Variants in NCOA3 observed in about 807,000 individuals in gnomAD.
The protein encoded by NCOA3 is nuclear receptor coactivator 3, also known as CBP-interacting protein.
Under a neutral mutation model 158.8 loss-of-function variants are expected in NCOA3, and 51 were observed. That is an observed-to-expected ratio of 0.32 (90% CI 0.26 to 0.41). The LOEUF is 0.41. NCOA3 is among the 10% of genes least tolerant of loss of function. The pLI, the probability that NCOA3 is intolerant of heterozygous loss-of-function variation, is 1.00. For synonymous variants in NCOA3, 537 were observed against 592.4 expected, an observed-to-expected ratio of 0.91 and a Z score of 1.36; for missense variants, 1,510 against 1,746.6, an observed-to-expected ratio of 0.86 and a Z score of 2.41.
intron 1 of NCOA3, among the ~76,000 whole-genome samples, chr20:47,522,099 C>CTTTTTTTTTTTTTTTTTTTTTTTTTTTT (rs772811888): frequency 1.2e-4 from 9 of 76,816 alleles, no homozygotes; most frequent in Non-Finnish European, 1.5e-4. Flanking sequence ...TTGTACAGAT[C>CTTTTTTTTTTTTTTTTTTTTTTTTTTTT]TTTTTTTTTT....
intron 17 of NCOA3, among the ~76,000 whole-genome samples, chr20:47,646,718 C>T (rs1247266067): frequency 6.6e-6 from 1 of 152,110 alleles, no homozygotes; most frequent in Non-Finnish European, 1.5e-5. Context: ...TTGCGAAGTA[C>T]AGTGGGGTGA....
chr20:47,528,926 C>G (rs2084501152), intron 1 of NCOA3, among the ~76,000 whole-genome samples: 1 of 151,774 alleles, frequency 6.6e-6, no homozygotes. Context: ...GCCACCACGT[C>G]CAGCTAATTT....
intron 4 of NCOA3, 61 bp from the exon 5 acceptor site, chr20:47,625,319 GA>G: frequency 8.9e-7 from 1 of 1,128,474 alleles, no homozygotes; most frequent in South Asian, 1.2e-5. Flanking sequence ...GGGACTATTC[GA>G]AGGTGATTTA....
intron 1 of NCOA3, among the ~76,000 whole-genome samples, chr20:47,568,786 A>T (rs995750805): frequency 5.3e-5 from 8 of 150,614 alleles, no homozygotes; most frequent in Admixed American, 2.0e-4. Flanking sequence ...ACAGAGCCAG[A>T]CTCTGTCTCA....
At chr20:47,570,996 G>GTGTGTGTGTGTGTGTA (rs1436592761) in intron 1 of NCOA3, among the ~76,000 whole-genome samples, 1 of 142,592 alleles carries the variant, frequency 7.0e-6, no homozygotes, top group African/African-American at 2.7e-5. Context: ...GTGTGTGTGT[G>GTGTGTGTGTGTGTGTA]TGTGTGTATA....
chr20:47,642,153 ATCTATTACTCT>A, intron 16 of NCOA3, 49 bp from the exon 17 acceptor site: 1 of 1,220,698 alleles, frequency 8.2e-7, no homozygotes, highest in Non-Finnish European at 1.1e-6. Context: ...GGTTGCTGTG[ATCTATTACTCT>A]TAGAAAAAAA....
intron 1 of NCOA3, among the ~76,000 whole-genome samples, chr20:47,514,743 G>A (rs1446245876): frequency 1.5e-5 from 2 of 131,408 alleles, no homozygotes; most frequent in African/African-American, 5.9e-5. Flanking sequence ...TTGAGACAGA[G>A]TCTTGCTCTG....
chr20:47,587,833 C>T (rs76911023), intron 2 of NCOA3, among the ~76,000 whole-genome samples: 1,988 of 152,128 alleles, frequency 0.013, 31 homozygotes, highest in African/African-American at 0.046. Flanking sequence ...TCAGTATGTA[C>T]GTCTTTATTC....
At chr20:47,605,133 T>G (rs1005203826) in intron 2 of NCOA3, among the ~76,000 whole-genome samples, 10 of 152,266 alleles carry the variant, frequency 6.6e-5, no homozygotes, top group African/African-American at 2.4e-4. Context: ...CCCAAAGTGC[T>G]GGGATAATAG....
intron 1 of NCOA3, among the ~76,000 whole-genome samples, chr20:47,560,960 C>G (rs1439124304): frequency 1.4e-5 from 2 of 143,784 alleles, no homozygotes; most frequent in African/African-American, 5.1e-5. Context: ...GTAGTCTTAT[C>G]CCTCATTCTT....
intron 13 of NCOA3, 113 bp downstream of exon 13, chr20:47,637,896 A>T (rs544277965): frequency 1.1e-6 from 1 of 933,012 alleles, no homozygotes; most frequent in East Asian, 2.8e-5. Context: ...ACTTCAGAAC[A>T]TATATTCTGC....
intron 22 of NCOA3, 83 bp downstream of exon 22, chr20:47,653,155 T>A: frequency 1.4e-6 from 2 of 1,467,626 alleles, no homozygotes. Context: ...AATCAGAATG[T>A]CCTAGGTATA....
At chr20:47,632,381 GTT>G (rs34786220) in intron 8 of NCOA3, among the ~76,000 whole-genome samples, 56 of 135,106 alleles carry the variant, frequency 4.1e-4, no homozygotes, top group East Asian at 6.4e-4. Flanking sequence ...TGTTCAAGAG[GTT>G]TTTTTTTTTT....
intron 2 of NCOA3, among the ~76,000 whole-genome samples, chr20:47,591,667 C>T (rs2085642677): frequency 6.6e-6 from 1 of 151,426 alleles, no homozygotes; most frequent in Non-Finnish European, 1.5e-5. Flanking sequence ...GTTTGGTTCA[C>T]TGGATAGAAA....
intron 1 of NCOA3, among the ~76,000 whole-genome samples, chr20:47,536,635 A>T (rs955851279): frequency 6.6e-6 from 1 of 152,050 alleles, no homozygotes; most frequent in Non-Finnish European, 1.5e-5. Context: ...GTGATGATTG[A>T]TATCTGTGCT....
chr20:47,515,180 T>C lies in NCOA3; in HGVS notation c.-99+13161T>C, dbSNP rs943544578. 1.9e-4 allele frequency among the ~76,000 whole-genome samples: 29 copies of C among 151,880 alleles called. No individual in the cohort carries two copies. In the East Asian group the frequency reaches 5.4e-3, roughly 28 times the overall value. On this transcript the variant is annotated intron_variant, in intron 1 of 22. Transcript: ENST00000371998. Reference sequence around the variant, plus strand: ...ATATATTTAAAAAAAATTTTTTTTTTTGAGATGGAGTCTCGCTCTGTTGCC... The same window carrying C: ...ATATATTTAAAAAAAATTTTTTTTTCTGAGATGGAGTCTCGCTCTGTTGCC...
chr20:47,639,041 G>A lies in NCOA3; in HGVS notation c.2546G>A (p.Arg849His), dbSNP rs756751050. The change falls in exon 14 of 23, where the codon CGT (arginine) becomes CAT (histidine). Residue 849 changes from arginine (R) to histidine (H), a missense_variant. This residue lies in a region of NCOA3 where 1,017 missense variants were observed against 1,098.3 expected (regional missense o/e 0.93). Transcript: ENST00000371998. ...LKSSQSVQSIRPPYNRAVSLD... is the reference protein window; with the variant it reads ...LKSSQSVQSIHPPYNRAVSLD... ...AGTTCACAGTCTGTGCAGTCTATTC[G>A]TCCTCCATATAACCGAGCAGTGTCT... The A allele has an allele frequency of 2.4e-5, 39 of 1,613,544 alleles. No individual in the cohort carries two copies. The highest frequency in any genetic ancestry group is 3.3e-4 in the Middle Eastern group (2 of 6,084).
chr20:47,592,396 T>C (rs2085659696), intron 2 of NCOA3, among the ~76,000 whole-genome samples: 1 of 152,226 alleles, frequency 6.6e-6, no homozygotes, highest in South Asian at 2.1e-4. Context: ...TTTTCTTCAG[T>C]CTTCTTCCTT....
chr20:47,520,459 A>T (rs912324938), intron 1 of NCOA3, among the ~76,000 whole-genome samples: 1 of 152,146 alleles, frequency 6.6e-6, no homozygotes, highest in South Asian at 2.1e-4. Context: ...TCTTCCCCTG[A>T]GAAGAAAGGA....
Sources: gnomAD v4.1 joint callset for allele counts (sites outside exome capture counted in the v4.1 genomes callset) on GRCh38, gnomAD v4.1.1 for gene constraint, gnomAD v4.1.1 regional missense constraint, MANE v1.5 for transcripts, NCBI Gene and HGNC (gene_info 2026-07-23, HGNC 2026-07-21) for gene names.